The following WFDC3 variants were observed in gnomAD, a reference collection of about 807,000 sequenced individuals.
The protein encoded by WFDC3 is WAP four-disulfide core domain 3.
A neutral mutation model predicts 25.8 loss-of-function variants in WFDC3; 15 were observed. That is an observed-to-expected ratio of 0.58 (90% confidence interval 0.39 to 0.89). The LOEUF is 0.89. Among genes scored for constraint, WFDC3 ranks in the 40% least tolerant of loss-of-function variants. The probability of loss-of-function intolerance (pLI) is 0.00; values close to 1 mark genes in which losing one functional copy is unlikely to be tolerated. For synonymous variants in WFDC3, 103 were observed against 107.1 expected, an observed-to-expected ratio of 0.96 and a Z score of 0.24; for missense variants, 264 against 289.8, an observed-to-expected ratio of 0.91 and a Z score of 0.65.
chr20:45,777,133 C>T lies in WFDC3; in HGVS notation c.435G>A (p.Gln145=), dbSNP rs1382158214. 5 of 1,611,298 alleles carry T rather than the reference C, an allele frequency of 3.1e-6. No homozygotes were observed. The highest frequency in any genetic ancestry group is 4.2e-6 in the Non-Finnish European group (5 of 1,178,888). Reference sequence around the variant, plus strand: ...AGCCGGTGCTGCAGCATTTATGCCCCTGGGGACAGGATGCATCCCCATCAC... The same window carrying T: ...AGCCGGTGCTGCAGCATTTATGCCCTTGGGGACAGGATGCATCCCCATCAC... ...ELCDGDASCP[Q]GHKCCSTGCG... is the part of the protein sequence containing the mutation. Residue 145 remains glutamine, a synonymous_variant, in exon 5 of 7, where the codon CAG becomes CAA. Transcript: ENST00000243938.
chr20:45,782,440 C>A (rs533885002), intron 4 of WFDC3, among the ~76,000 whole-genome samples: 3 of 151,088 alleles, frequency 2.0e-5, no homozygotes, highest in Admixed American at 6.6e-5. Flanking sequence ...TGCAGTGGTG[C>A]GATCTCGGCT....
At position 45,787,984 on chromosome 20, in the gene WFDC3, T is replaced by C. The variant is rs761461317; in HGVS notation, c.212-2A>G. 1.2e-6 allele frequency: 2 copies of C among 1,609,858 alleles called. No individual in the cohort carries two copies. Among genetic ancestry groups the C allele is most frequent in the Non-Finnish European group, 8.5e-7 (1 of 1,178,558 alleles). On this transcript the variant is annotated splice_acceptor_variant, in intron 3 of 6. Coordinates refer to ENST00000243938, the MANE Select transcript of WFDC3 (RefSeq NM_080614.2). LOFTEE classifies it high-confidence loss of function. ...CCCTAGGGCAATCTCTTTTCCTCCC[T>C]GTAGCAAAAAGGGAGACAGCAAAGA...
At position 45,788,080 on chromosome 20, in the gene WFDC3, G is replaced by A. The variant is rs374862760; in HGVS notation, c.212-98C>T. 151 of 1,340,378 alleles carry A rather than the reference G, an allele frequency of 1.1e-4. 1 individual carries two copies. In the East Asian group the frequency reaches 3.4e-3, roughly 30 times the overall value. 83.0% of individuals were successfully genotyped at this position (1,340,378 alleles called of 1,614,324 possible). The stretch of plus-strand genomic sequence containing the variant: ...GCACTTTGGGAGGCCAAGGCGGGTG[G>A]ATCACCTGAGGTAGGGAGTTCGAGA... On this transcript the variant is annotated intron_variant, in intron 3 of 6. Transcript: ENST00000243938.
At chr20:45,775,011 C>G (rs1601008895) in intron 6 of WFDC3, among the ~76,000 whole-genome samples, 1 of 152,054 alleles carries the variant, frequency 6.6e-6, no homozygotes, top group East Asian at 1.9e-4. Context: ...TCCTCACCTC[C>G]CAAACATATC....
intron 2 of WFDC3, 85 bp from the exon 3 acceptor site, chr20:45,789,144 A>G: frequency 1.3e-6 from 2 of 1,551,270 alleles, no homozygotes; most frequent in Non-Finnish European, 1.7e-6. Context: ...AGGCATCTCT[A>G]TCCAAAATAT....
At chr20:45,780,157 C>T (rs767722640) in intron 4 of WFDC3, among the ~76,000 whole-genome samples, 1 of 146,712 alleles carries the variant, frequency 6.8e-6, no homozygotes, top group Non-Finnish European at 1.5e-5. Context: ...CAGCCTCAAA[C>T]TCTTGAACTC....
In WFDC3 at chr20:45,774,216, G is replaced by A. The variant is rs1980029456; in HGVS notation, c.*212C>T. 3 of 635,832 alleles carry A rather than the reference G, an allele frequency of 4.7e-6. No individual in the cohort carries two copies. Among genetic ancestry groups the A allele is most frequent in the Admixed American group, 2.8e-5 (1 of 35,818 alleles). The allele number at this position is 635,832 out of a possible 1,614,324, so 39.4% of individuals were successfully genotyped here. Reference sequence around the variant, plus strand: ...CTCAAATAGCACAAACAAGAGGTCAGCACCAGCCTTTATCGGGAAAGAGAA... The same window carrying A: ...CTCAAATAGCACAAACAAGAGGTCAACACCAGCCTTTATCGGGAAAGAGAA... On this transcript the variant is annotated 3_prime_UTR_variant, in exon 7 of 7. Coordinates refer to ENST00000243938, the MANE Select transcript of WFDC3 (RefSeq NM_080614.2).
intron 2 of WFDC3, 133 bp from the exon 3 acceptor site, chr20:45,789,192 A>T: frequency 8.2e-7 from 1 of 1,215,794 alleles, no homozygotes; most frequent in Non-Finnish European, 1.1e-6. Flanking sequence ...TGACAGAATG[A>T]GACCCTGTCT....
In WFDC3 at chr20:45,791,872, T is replaced by G. The variant is rs1981014003; in HGVS notation, c.-48A>C. ...AACTGTCCTGGGCGAGGCGCGGCGG[T>G]TCGGTTCCCATGGTAACCCCGCAGC... On this transcript the variant is annotated 5_prime_UTR_variant, in exon 1 of 7. Transcript: ENST00000243938. 1 of 582,068 alleles carries G rather than the reference T, an allele frequency of 1.7e-6. No individual in the cohort carries two copies. The highest frequency in any genetic ancestry group is 3.5e-5 in the East Asian group (1 of 28,758). 36.1% of individuals were successfully genotyped at this position (582,068 alleles called of 1,614,324 possible). A position where few individuals can be genotyped will look rare whatever the true frequency, so the allele number is the denominator to read the frequency against.
chr20:45,783,740 G>A (rs1037254659), intron 4 of WFDC3, among the ~76,000 whole-genome samples: 20 of 152,116 alleles, frequency 1.3e-4, no homozygotes, highest in Non-Finnish European at 2.5e-4. Context: ...ACAGACCAGC[G>A]CTGGCTATGG....
chr20:45,782,248 G>A (rs7263437), intron 4 of WFDC3, among the ~76,000 whole-genome samples: 70,165 of 151,932 alleles, frequency 0.46, 18,622 homozygotes, highest in Non-Finnish European at 0.6. Context: ...TTGATACCCC[G>A]TCTCCCTCAA....
At chr20:45,776,052 T>C (rs1164123925) in intron 5 of WFDC3, among the ~76,000 whole-genome samples, 2 of 152,154 alleles carry the variant, frequency 1.3e-5, no homozygotes, top group Non-Finnish European at 2.9e-5. Context: ...TTTATCATAA[T>C]CCCTTATTTA....
chr20:45,786,003 C>T (rs1409717611), intron 4 of WFDC3, among the ~76,000 whole-genome samples: 1 of 152,160 alleles, frequency 6.6e-6, no homozygotes, highest in Non-Finnish European at 1.5e-5. Context: ...TCTCTCTCTC[C>T]CTGGAATGTC....
chr20:45,783,689 C>T (rs1568699968), intron 4 of WFDC3, among the ~76,000 whole-genome samples: 1 of 151,906 alleles, frequency 6.6e-6, no homozygotes, highest in Admixed American at 6.6e-5. Flanking sequence ...CAATGTCTGC[C>T]CTTGCCCTCA....
At chr20:45,791,156 C>A in intron 1 of WFDC3, among the ~76,000 whole-genome samples, 1 of 137,768 alleles carries the variant, frequency 7.3e-6, no homozygotes, top group Non-Finnish European at 1.5e-5. Flanking sequence ...ATGATGACCT[C>A]ATATGTGCCT....
chr20:45,781,488 C>T (rs924202051), intron 4 of WFDC3, among the ~76,000 whole-genome samples: 7 of 152,150 alleles, frequency 4.6e-5, no homozygotes, highest in African/African-American at 1.7e-4. Context: ...ATAGTCATAC[C>T]CATGGCTATG....
chr20:45,789,821 G>T, intron 2 of WFDC3, 73 bp downstream of exon 2: 2 of 1,346,084 alleles, frequency 1.5e-6, no homozygotes, highest in Admixed American at 1.7e-5. Context: ...CTGGGAGAAG[G>T]CAGGGGATGA....
chr20:45,783,425 C>T (rs1298288505), intron 4 of WFDC3, among the ~76,000 whole-genome samples: 1 of 151,954 alleles, frequency 6.6e-6, no homozygotes, highest in African/African-American at 2.4e-5. Context: ...CTGCAGTGGG[C>T]TGAGATCACA....
At chr20:45,776,163 T>C (rs1183855375) in intron 5 of WFDC3, among the ~76,000 whole-genome samples, 1 of 152,108 alleles carries the variant, frequency 6.6e-6, no homozygotes, top group Admixed American at 6.5e-5. Flanking sequence ...GGGACTAAGA[T>C]AGCACAAGGG....
Sources: allele counts gnomAD v4.1 joint callset (sites outside exome capture counted in the v4.1 genomes callset), GRCh38; gene constraint gnomAD v4.1.1; transcripts MANE v1.5; gene names NCBI Gene and HGNC (gene_info 2026-07-23, HGNC 2026-07-21).